PHF24: variants seen among roughly 807,000 people sequenced by gnomAD.
PHF24 encodes Galpha inhibitory interacting protein.
In PHF24, 25 loss-of-function variants were observed where a neutral mutation model predicts 42.6. The observed-to-expected ratio is 0.59, with a 90% CI of 0.43 to 0.82. The LOEUF (loss-of-function observed/expected upper bound fraction) is 0.82. Among genes scored for constraint, PHF24 ranks in the 40% least tolerant of loss-of-function variants. The pLI is 0.00. For synonymous variants in PHF24, 185 were observed against 204.8 expected, an observed-to-expected ratio of 0.90 and a Z score of 0.83; for missense variants, 470 against 538.1, an observed-to-expected ratio of 0.87 and a Z score of 1.25.
At chr9:34,885,426 C>G in the PHF24 span, among the ~76,000 whole-genome samples, 1 of 151,940 alleles carries the variant, frequency 6.6e-6, no homozygotes, top group Admixed American at 6.6e-5. Flanking sequence ...CCTTAGGAAC[C>G]AGGGGCATCC....
the PHF24 span, among the ~76,000 whole-genome samples, chr9:34,860,072 C>T: frequency 2.8e-4 from 43 of 152,278 alleles, no homozygotes; most frequent in East Asian, 7.9e-3. Flanking sequence ...TGACTTGCAC[C>T]TCCATCTTCT....
the PHF24 span, among the ~76,000 whole-genome samples, chr9:34,843,146 C>T: frequency 6.6e-6 from 1 of 152,132 alleles, no homozygotes; most frequent in Non-Finnish European, 1.5e-5. Flanking sequence ...TGTTTTCATC[C>T]TTATTAGTAA....
the PHF24 span, chr9:34,723,218 G>A: frequency 1.3e-6 from 2 of 1,548,646 alleles, no homozygotes; most frequent in African/African-American, 1.4e-5. Context: ...TCTATCTGAG[G>A]TGAGGGTCAG....
chr9:34,855,430 T>C, the PHF24 span, among the ~76,000 whole-genome samples: 10 of 152,214 alleles, frequency 6.6e-5, no homozygotes, highest in Non-Finnish European at 1.3e-4. Context: ...CCTTTCCCTA[T>C]GTAGTGCTTA....
chr9:34,933,126 G>C, the PHF24 span, among the ~76,000 whole-genome samples: 1 of 151,162 alleles, frequency 6.6e-6, no homozygotes, highest in Admixed American at 6.6e-5. Context: ...CCCTGCTAAC[G>C]AACTCCTTTT....
At chr9:34,828,435 A>G in the PHF24 span, among the ~76,000 whole-genome samples, 4 of 151,832 alleles carry the variant, frequency 2.6e-5, no homozygotes, top group African/African-American at 9.7e-5. Context: ...TGTATCTCAT[A>G]TTTTTCAAAA....
chr9:34,888,002 T>TA, the PHF24 span, among the ~76,000 whole-genome samples: 1 of 152,062 alleles, frequency 6.6e-6, no homozygotes, highest in East Asian at 1.9e-4. Flanking sequence ...TGTTTTTTTT[T>TA]TAATTATTAT....
At chr9:34,766,254 C>A in the PHF24 span, among the ~76,000 whole-genome samples, 33 of 152,328 alleles carry the variant, frequency 2.2e-4, 1 homozygote, top group African/African-American at 7.7e-4. Flanking sequence ...GCCTGCCTTG[C>A]TAGATTGGAG....
chr9:34,713,920 A>G, the PHF24 span, among the ~76,000 whole-genome samples: 1 of 152,084 alleles, frequency 6.6e-6, no homozygotes, highest in Admixed American at 6.5e-5. Flanking sequence ...GTCAGGAGAG[A>G]TGTAGTCAGG....
At chr9:34,704,381 A>G in the PHF24 span, among the ~76,000 whole-genome samples, 5 of 152,202 alleles carry the variant, frequency 3.3e-5, no homozygotes, top group Non-Finnish European at 5.9e-5. Context: ...GTATCAAAGA[A>G]GCCCTTAAAA....
intron 1 of PHF24, among the ~76,000 whole-genome samples, chr9:34,970,385 A>G (rs1411636851): frequency 6.6e-6 from 1 of 152,168 alleles, no homozygotes; most frequent in Non-Finnish European, 1.5e-5. Flanking sequence ...GAAGTGTGAG[A>G]GGTACCTTAG....
At chr9:34,845,906 A>G in the PHF24 span, among the ~76,000 whole-genome samples, 2 of 151,992 alleles carry the variant, frequency 1.3e-5, no homozygotes, top group African/African-American at 2.4e-5. Context: ...AGTTTCATCC[A>G]TGTCCCTGCA....
chr9:34,684,064 A>G, the PHF24 span, among the ~76,000 whole-genome samples: 2 of 152,144 alleles, frequency 1.3e-5, no homozygotes, highest in Admixed American at 6.5e-5. Flanking sequence ...GGGTCTTTTT[A>G]ATAAACTCCT....
At chr9:34,873,637 G>A in the PHF24 span, among the ~76,000 whole-genome samples, 2,749 of 151,182 alleles carry the variant, frequency 0.018, 97 homozygotes, top group African/African-American at 0.063. Flanking sequence ...GTCAGGTAGC[G>A]TGATGCCTCC....
the PHF24 span, among the ~76,000 whole-genome samples, chr9:34,795,383 T>C: frequency 6.6e-6 from 1 of 152,158 alleles, no homozygotes; most frequent in African/African-American, 2.4e-5. Context: ...CTTTAGATAA[T>C]TGTAAACTAA....
chr9:34,683,936 G>C, the PHF24 span, among the ~76,000 whole-genome samples: 26 of 152,206 alleles, frequency 1.7e-4, no homozygotes, highest in Non-Finnish European at 2.4e-4. Flanking sequence ...TCGCCTTTTG[G>C]TGGTGCCACC....
chr9:34,739,962 G>A, the PHF24 span, among the ~76,000 whole-genome samples: 149,305 of 152,160 alleles, frequency 0.98, 73,306 homozygotes, highest in East Asian at 1. Context: ...TAGAGTGTCC[G>A]CACAAAGGTT....
chr9:34,893,120 C>T, the PHF24 span: 33 of 830,064 alleles, frequency 4.0e-5, no homozygotes, highest in Middle Eastern at 2.3e-4. Flanking sequence ...CAGGATTCGC[C>T]GCACACTTCC....
At chr9:34,899,850 A>G in the PHF24 span, among the ~76,000 whole-genome samples, 2 of 152,308 alleles carry the variant, frequency 1.3e-5, no homozygotes, top group East Asian at 3.9e-4. Flanking sequence ...TCCCAGCCTT[A>G]TATCAGAATC....
Sources: gnomAD v4.1 joint callset for allele counts (sites outside exome capture counted in the v4.1 genomes callset) on GRCh38, gnomAD v4.1.1 for gene constraint, MANE v1.5 for transcripts, NCBI Gene and HGNC (gene_info 2026-07-23, HGNC 2026-07-21) for gene names.